USP34: variants seen among roughly 807,000 people sequenced by gnomAD.
The protein encoded by USP34 is ubiquitin carboxyl-terminal hydrolase 34.
USP34 carries 70 observed loss-of-function variants against 460.3 expected under a neutral mutation model. The ratio of observed to expected loss-of-function variants is 0.15; its 90% CI spans 0.13 to 0.19. The LOEUF is 0.19. Among genes scored for constraint, USP34 ranks in the 10% least tolerant of loss-of-function variants. The probability of loss-of-function intolerance (pLI) is 1.00; values close to 1 mark genes in which losing one functional copy is unlikely to be tolerated. For missense variants in USP34, 3,985 were observed against 4,236.2 expected (o/e 0.94, Z 1.65); for synonymous variants, 1,647 against 1,405.3 (o/e 1.17, Z -3.85).
chr2:61,241,750 T>C lies in USP34; in HGVS notation c.6681+16A>G. The C allele has an allele frequency of 1.3e-6, 2 of 1,500,596 alleles. No individual in the cohort carries two copies. Among genetic ancestry groups the C allele is most frequent in the South Asian group, 1.2e-5 (1 of 80,042 alleles). 93.0% of individuals were successfully genotyped at this position (1,500,596 alleles called of 1,614,324 possible). On this transcript the variant is annotated intron_variant, in intron 52 of 79. Transcript: ENST00000398571. ...AGAAAAAACAATATAAAATTATACA[T>C]GAAAAAAATGGTTACCTTTTCAAAA...
intron 51 of USP34, among the ~76,000 whole-genome samples, chr2:61,243,552 T>C (rs1420794221): frequency 8.4e-6 from 1 of 119,308 alleles, no homozygotes; most frequent in Non-Finnish European, 1.7e-5. Flanking sequence ...TTCCTCTTCT[T>C]CCTTCATTTT....
chr2:61,380,810 G>A (rs1692946232), intron 6 of USP34, among the ~76,000 whole-genome samples: 1 of 152,142 alleles, frequency 6.6e-6, no homozygotes, highest in African/African-American at 2.4e-5. Flanking sequence ...ACAAAACAAG[G>A]AACCAAGGTT....
intron 27 of USP34, among the ~76,000 whole-genome samples, chr2:61,309,385 A>G (rs1259517320): frequency 6.6e-6 from 1 of 152,214 alleles, no homozygotes; most frequent in Non-Finnish European, 1.5e-5. Context: ...AACACAGGAG[A>G]GAAGAGAATT....
chr2:61,452,099 A>G (rs1302870646), intron 1 of USP34, among the ~76,000 whole-genome samples: 13 of 150,474 alleles, frequency 8.6e-5, no homozygotes, highest in Admixed American at 2.7e-4. Context: ...GTGTGAACCC[A>G]GGAGGCGGAG....
intron 43 of USP34, among the ~76,000 whole-genome samples, chr2:61,261,503 G>A (rs1688877900): frequency 6.6e-6 from 1 of 152,150 alleles, no homozygotes; most frequent in Admixed American, 6.6e-5. Flanking sequence ...GGGGGGTTGG[G>A]AGGGAGAATG....
chr2:61,387,986 G>C (rs1693219469), intron 5 of USP34, among the ~76,000 whole-genome samples: 1 of 147,704 alleles, frequency 6.8e-6, no homozygotes, highest in Non-Finnish European at 1.5e-5. Context: ...TAAAAAAAAG[G>C]CCAGGTGGAG....
intron 29 of USP34, among the ~76,000 whole-genome samples, chr2:61,299,663 A>G (rs1690158917): frequency 6.9e-6 from 1 of 144,792 alleles, no homozygotes; most frequent in South Asian, 2.3e-4. Flanking sequence ...AGGCAGCAGG[A>G]TCACTTGAAC....
intron 10 of USP34, among the ~76,000 whole-genome samples, chr2:61,353,277 G>A (rs1027170913): frequency 1.3e-5 from 2 of 151,978 alleles, no homozygotes; most frequent in Non-Finnish European, 2.9e-5. Context: ...CATCTGAAAT[G>A]ATTACTAGAG....
At chr2:61,232,788 A>G (rs1038390546) in intron 57 of USP34, among the ~76,000 whole-genome samples, 2 of 151,816 alleles carry the variant, frequency 1.3e-5, no homozygotes, top group African/African-American at 4.8e-5. Flanking sequence ...TCATAATAAA[A>G]TATCATTCTC....
chr2:61,338,558 C>G (rs966276399), intron 18 of USP34, among the ~76,000 whole-genome samples: 1 of 152,172 alleles, frequency 6.6e-6, no homozygotes, highest in Admixed American at 6.5e-5. Flanking sequence ...CAGGCCTACA[C>G]AGATGTGAGC....
At chr2:61,259,678 G>A (rs890951385) in intron 44 of USP34, 33 bp downstream of exon 44, 1 of 1,600,458 alleles carries the variant, frequency 6.2e-7, no homozygotes, top group Non-Finnish European at 8.5e-7. Flanking sequence ...GAGCCACAGT[G>A]CCTGGCCTAG....
At chr2:61,398,562 C>T (rs1693613036) in intron 3 of USP34, among the ~76,000 whole-genome samples, 1 of 20,796 alleles carries the variant, frequency 4.8e-5, no homozygotes, top group African/African-American at 2.6e-4. Context: ...GAGGCGGAAG[C>T]GGGAAGAGGG....
At chr2:61,467,196 G>A (rs867654151) in intron 1 of USP34, among the ~76,000 whole-genome samples, 5 of 151,660 alleles carry the variant, frequency 3.3e-5, no homozygotes, top group Admixed American at 6.6e-5. Flanking sequence ...CCAGCCACTT[G>A]GGAGGCTGAG....
At chr2:61,370,970 G>C (rs1027098401) in intron 8 of USP34, among the ~76,000 whole-genome samples, 8 of 152,100 alleles carry the variant, frequency 5.3e-5, no homozygotes, top group Admixed American at 4.6e-4. Flanking sequence ...CAGGAAAATA[G>C]GTTGTCAAAA....
chr2:61,392,580 T>G (rs1402297995), intron 5 of USP34, among the ~76,000 whole-genome samples: 1 of 152,026 alleles, frequency 6.6e-6, no homozygotes, highest in African/African-American at 2.4e-5. Flanking sequence ...GCCAAGATGG[T>G]GCCACTGCAC....
intron 34 of USP34, among the ~76,000 whole-genome samples, chr2:61,285,365 C>T (rs1689656536): frequency 6.6e-6 from 1 of 151,384 alleles, no homozygotes; most frequent in South Asian, 2.1e-4. Context: ...TGCATGTCTA[C>T]AGTCCCATCT....
chr2:61,384,320 C>G (rs1693069455), intron 5 of USP34, among the ~76,000 whole-genome samples: 1 of 151,934 alleles, frequency 6.6e-6, no homozygotes, highest in African/African-American at 2.4e-5. Flanking sequence ...AATCCTAACC[C>G]AACCAATCAA....
chr2:61,255,816 C>T (rs1034696140), intron 48 of USP34, among the ~76,000 whole-genome samples: 1 of 152,196 alleles, frequency 6.6e-6, no homozygotes, highest in African/African-American at 2.4e-5. Context: ...CTTAGTAGCT[C>T]TCTTATTACA....
intron 16 of USP34, among the ~76,000 whole-genome samples, chr2:61,340,224 A>G (rs1220527926): frequency 2.0e-5 from 3 of 152,036 alleles, no homozygotes; most frequent in Non-Finnish European, 2.9e-5. Context: ...ACTTAACACT[A>G]TTTTTATTGG....
Sources: gnomAD v4.1 joint callset for allele counts (sites outside exome capture counted in the v4.1 genomes callset) on GRCh38, gnomAD v4.1.1 for gene constraint, MANE v1.5 for transcripts, NCBI Gene and HGNC (gene_info 2026-07-23, HGNC 2026-07-21) for gene names.